Variants in APBB2 observed in about 807,000 individuals in gnomAD.
APBB2 encodes the protein Fe65-like 1.
APBB2 carries 38 observed loss-of-function variants against 82.5 expected under a neutral mutation model. That is an observed-to-expected ratio of 0.46 (90% CI 0.36 to 0.60). APBB2 has a LOEUF of 0.60. Among genes scored for constraint, APBB2 ranks in the 20% least tolerant of loss-of-function variants. The probability of loss-of-function intolerance (pLI) is 0.00; values close to 1 mark genes in which losing one functional copy is unlikely to be tolerated. For synonymous variants in APBB2, 341 were observed against 368.2 expected, an observed-to-expected ratio of 0.93 and a Z score of 0.85; for missense variants, 772 against 972.3, an observed-to-expected ratio of 0.79 and a Z score of 2.74.
At chr4:41,099,025 T>TG (rs1284429576) in intron 3 of APBB2, among the ~76,000 whole-genome samples, 5 of 152,248 alleles carry the variant, frequency 3.3e-5, no homozygotes, top group African/African-American at 4.8e-5. Flanking sequence ...ATTTCTATTT[T>TG]TTTTTTAAAT....
intron 6 of APBB2, among the ~76,000 whole-genome samples, chr4:40,972,559 C>CTCAT (rs1426054927): frequency 6.6e-6 from 1 of 152,140 alleles, no homozygotes; most frequent in Non-Finnish European, 1.5e-5. Context: ...ATACAAGGCA[C>CTCAT]TCATTCATTC....
intron 17 of APBB2, among the ~76,000 whole-genome samples, chr4:40,821,539 G>C (rs1341524007): frequency 6.6e-6 from 1 of 152,174 alleles, no homozygotes; most frequent in Non-Finnish European, 1.5e-5. Flanking sequence ...TTAAAGTACT[G>C]AATTGAACCC....
At chr4:40,834,329 C>T (rs936510901) in intron 12 of APBB2, among the ~76,000 whole-genome samples, 1 of 152,164 alleles carries the variant, frequency 6.6e-6, no homozygotes, top group Non-Finnish European at 1.5e-5. Context: ...TAACATATCC[C>T]AAGTCCCTAA....
intron 4 of APBB2, among the ~76,000 whole-genome samples, chr4:41,054,325 G>A (rs937201068): frequency 1.3e-5 from 2 of 152,192 alleles, no homozygotes; most frequent in African/African-American, 4.8e-5. Flanking sequence ...TCACTGGCCA[G>A]AAGTAGGTCA....
At chr4:40,956,677 A>G (rs903526385) in intron 6 of APBB2, among the ~76,000 whole-genome samples, 5 of 152,074 alleles carry the variant, frequency 3.3e-5, no homozygotes, top group Non-Finnish European at 5.9e-5. Context: ...ACCTTTCCCC[A>G]TATTTTTCAT....
chr4:40,955,805 T>C (rs1276255404), intron 6 of APBB2, among the ~76,000 whole-genome samples: 1 of 152,072 alleles, frequency 6.6e-6, no homozygotes, highest in Non-Finnish European at 1.5e-5. Flanking sequence ...AGATGAAGTT[T>C]TGCTCTCGTT....
intron 5 of APBB2, among the ~76,000 whole-genome samples, chr4:41,028,434 GCT>G (rs767503820): frequency 1.2e-4 from 18 of 152,208 alleles, no homozygotes; most frequent in Non-Finnish European, 2.2e-4. Flanking sequence ...TAAGAGTGGT[GCT>G]CTGTTTTCTC....
At chr4:40,897,221 C>T (rs918015929) in intron 10 of APBB2, among the ~76,000 whole-genome samples, 2 of 142,860 alleles carry the variant, frequency 1.4e-5, no homozygotes, top group African/African-American at 5.0e-5. Flanking sequence ...CTGTTTTTGC[C>T]GGGTGGGCAA....
intron 2 of APBB2, among the ~76,000 whole-genome samples, chr4:41,108,049 T>C (rs913786692): frequency 2.6e-5 from 4 of 152,202 alleles, no homozygotes; most frequent in African/African-American, 9.6e-5. Context: ...AAAATATCCT[T>C]GTGCTTGAGA....
At chr4:41,200,011 C>T (rs1190767324) in intron 1 of APBB2, among the ~76,000 whole-genome samples, 2 of 152,148 alleles carry the variant, frequency 1.3e-5, no homozygotes, top group Non-Finnish European at 1.5e-5. Context: ...TTAACCAACC[C>T]ACTTCAAGAA....
At chr4:40,971,734 T>C (rs901752163) in intron 6 of APBB2, among the ~76,000 whole-genome samples, 2 of 152,230 alleles carry the variant, frequency 1.3e-5, no homozygotes, top group Non-Finnish European at 2.9e-5. Flanking sequence ...AAACCTATCA[T>C]ATATCCCCTT....
intron 1 of APBB2, among the ~76,000 whole-genome samples, chr4:41,195,967 T>C: frequency 1.4e-4 from 22 of 152,320 alleles, no homozygotes; most frequent in East Asian, 9.7e-4. Flanking sequence ...GAGACCATCC[T>C]GGCTAACACG....
At position 40,811,773 on chromosome 4, in the gene APBB2, C is replaced by G. The variant is rs1321715676; in HGVS notation, c.*4319G>C. On this transcript the variant is annotated 3_prime_UTR_variant, in exon 18 of 18. Coordinates refer to ENST00000508593, the MANE Select transcript of APBB2 (RefSeq NM_004307.2). ...CTGAAACCATAATGAAATTTTGTTACTGACTAGAGAGAAACCACTGTGGAA... is the reference window on the plus strand; with the variant it reads ...CTGAAACCATAATGAAATTTTGTTAGTGACTAGAGAGAAACCACTGTGGAA... 2.0e-5 allele frequency: 3 copies of G among 152,154 alleles called. No homozygotes were observed. Among genetic ancestry groups the G allele is most frequent in the African/African-American group, 4.8e-5 (2 of 41,442 alleles). 9.4% of individuals were successfully genotyped at this position (152,154 alleles called of 1,614,324 possible). A position where few individuals can be genotyped will look rare whatever the true frequency, so the allele number is the denominator to read the frequency against.
intron 2 of APBB2, among the ~76,000 whole-genome samples, chr4:41,116,815 A>G (rs1443012347): frequency 6.6e-6 from 1 of 152,152 alleles, no homozygotes; most frequent in Non-Finnish European, 1.5e-5. Context: ...TGAAATATAT[A>G]TCTGTCAAAA....
intron 6 of APBB2, among the ~76,000 whole-genome samples, chr4:40,951,273 T>C (rs992887181): frequency 6.6e-6 from 1 of 152,210 alleles, no homozygotes; most frequent in Non-Finnish European, 1.5e-5. Context: ...TGTTTCTCTA[T>C]GTATGTTTTT....
At chr4:41,076,599 A>C (rs555713715) in intron 3 of APBB2, among the ~76,000 whole-genome samples, 1 of 152,328 alleles carries the variant, frequency 6.6e-6, no homozygotes, top group African/African-American at 2.4e-5. Context: ...CAGATACCAA[A>C]ACTGGAAGAC....
chr4:41,010,554 G>A (rs576197668), intron 6 of APBB2, among the ~76,000 whole-genome samples: 1 of 152,252 alleles, frequency 6.6e-6, no homozygotes, highest in African/African-American at 2.4e-5. Flanking sequence ...CATTTCAAGA[G>A]TCCCAGTAGG....
rs1043717832 is a variant in APBB2 at position 40,815,954 on chromosome 4, T to C, written c.*138A>G. The C allele has an allele frequency of 1.1e-6, 1 of 941,522 alleles. No homozygotes were observed. Among genetic ancestry groups the C allele is most frequent in the Non-Finnish European group, 1.6e-6 (1 of 612,372 alleles). The allele number at this position is 941,522 out of a possible 1,614,324, so 58.3% of individuals were successfully genotyped here. On this transcript the variant is annotated 3_prime_UTR_variant, in exon 18 of 18. Coordinates refer to ENST00000508593, the MANE Select transcript of APBB2 (RefSeq NM_004307.2). Reference sequence around the variant, plus strand: ...GGCAAGACGAGAGAACATGCTTGTCTAACACTGCTTGGTTAAGGGTAAATT... The same window carrying C: ...GGCAAGACGAGAGAACATGCTTGTCCAACACTGCTTGGTTAAGGGTAAATT...
chr4:41,138,687 T>C (rs1758268249), intron 2 of APBB2, among the ~76,000 whole-genome samples: 1 of 152,220 alleles, frequency 6.6e-6, no homozygotes, highest in Non-Finnish European at 1.5e-5. Context: ...ATGATTTCAC[T>C]AGAAACTCCA....
Sources: allele counts gnomAD v4.1 joint callset (sites outside exome capture counted in the v4.1 genomes callset), GRCh38; gene constraint gnomAD v4.1.1; transcripts MANE v1.5; gene names NCBI Gene and HGNC (gene_info 2026-07-23, HGNC 2026-07-21).